The following GTPBP8 variants were observed in gnomAD, a reference collection of about 807,000 sequenced individuals.
GTPBP8 encodes the protein GTP-binding protein 8.
GTPBP8 carries 21 observed loss-of-function variants against 27.3 expected under a neutral mutation model. That is an observed-to-expected ratio of 0.77 (90% confidence interval 0.55 to 1.11). The LOEUF is 1.11. Ranked by LOEUF, GTPBP8 falls within the 50% of genes least tolerant of loss-of-function variation. The probability of loss-of-function intolerance (pLI) is 0.00; values close to 1 mark genes in which losing one functional copy is unlikely to be tolerated. For missense variants in GTPBP8, 380 were observed against 350.8 expected (o/e 1.08, Z -0.67); for synonymous variants, 147 against 135.3 (o/e 1.09, Z -0.60).
At position 113,000,973 on chromosome 3, in the gene GTPBP8, C is replaced by T; in HGVS notation, c.*54C>T. The T allele has an allele frequency of 2.1e-6, 2 of 963,214 alleles. No homozygotes were observed. The highest frequency in any genetic ancestry group is 3.2e-6 in the Non-Finnish European group (2 of 623,886). 59.7% of individuals were successfully genotyped at this position (963,214 alleles called of 1,614,324 possible). ...AAAAAAAAAAAAAGCTTTATGCTAACTGGAGTTAAATACCTAGAAGAATTT... is the reference window on the plus strand; with the variant it reads ...AAAAAAAAAAAAAGCTTTATGCTAATTGGAGTTAAATACCTAGAAGAATTT... On this transcript the variant is annotated 3_prime_UTR_variant, in exon 6 of 6. Coordinates refer to ENST00000383678, the MANE Select transcript of GTPBP8 (RefSeq NM_014170.4).
intron 1 of GTPBP8, chr3:112,992,318 A>C (rs774615436): frequency 1.2e-4 from 18 of 152,160 alleles, no homozygotes; most frequent in African/African-American, 2.9e-4. Context: ...ATGTCCCCCA[A>C]TTGTCTTGAT....
intron 2 of GTPBP8, 38 bp downstream of exon 2, chr3:112,993,162 T>C (rs1933717792): frequency 2.1e-6 from 2 of 964,224 alleles, no homozygotes; most frequent in African/African-American, 3.3e-5. Context: ...GACTATCTCT[T>C]GGATTAACTA....
intron 1 of GTPBP8, among the ~76,000 whole-genome samples, 192 bp from the exon 2 acceptor site, chr3:112,992,834 G>C (rs542049412): frequency 1.4e-4 from 21 of 151,962 alleles, no homozygotes; most frequent in Non-Finnish European, 5.9e-5. Flanking sequence ...CGTAAAATGG[G>C]GATAATATCA....
At position 112,991,223 on chromosome 3, in the gene GTPBP8, C is replaced by G. The variant is rs1413724877; in HGVS notation, c.224C>G (p.Pro75Arg). 2.5e-6 allele frequency: 4 copies of G among 1,614,026 alleles called. No individual in the cohort carries two copies. The highest frequency in any genetic ancestry group is 3.4e-6 in the Non-Finnish European group (4 of 1,180,028). The change falls in exon 1 of 6, where the codon CCG becomes CGG. Residue 75 changes from proline to arginine, a missense_variant. Coordinates refer to ENST00000383678, the MANE Select transcript of GTPBP8 (RefSeq NM_014170.4). ...CACCTGCGTATCTTTGACCCAAGCC[C>G]GGAGGACATAGCCAGGGCGGACAAC... Reference protein sequence around the residue: ...DLHLRIFDPSPEDIARADNIF... With the variant: ...DLHLRIFDPSREDIARADNIF...
intron 1 of GTPBP8, chr3:112,992,011 T>C (rs187658137): frequency 1.3e-3 from 213 of 164,828 alleles, no homozygotes; most frequent in African/African-American, 4.8e-3. Flanking sequence ...CCATATGTAT[T>C]TACACTAAGT....
chr3:112,994,441 AG>A (rs1394795119), intron 2 of GTPBP8, among the ~76,000 whole-genome samples: 8 of 151,136 alleles, frequency 5.3e-5, no homozygotes, highest in Non-Finnish European at 8.8e-5. Flanking sequence ...AAAAAAAAAA[AG>A]TTGCCTATCA....
chr3:112,999,753 CT>C (rs916931922), intron 5 of GTPBP8, among the ~76,000 whole-genome samples, 189 bp downstream of exon 5: 2 of 151,956 alleles, frequency 1.3e-5, no homozygotes, highest in African/African-American at 4.8e-5. Flanking sequence ...TATGTGTAGT[CT>C]TTTTTCGCTC....
chr3:112,991,330 C>T lies in GTPBP8; in HGVS notation c.331C>T (p.Pro111Ser), dbSNP rs754795203. ...RIDHAPDLPR[P>S]EVCFIGRSNV... The stretch of plus-strand genomic sequence containing the variant: ...CGACCACGCCCCGGACCTTCCGCGG[C>T]CAGAGGTGAGAGGCGATTCTCACGG... Residue 111 changes from proline to serine, a missense_variant, in exon 1 of 6, where the codon CCA becomes TCA. Coordinates refer to ENST00000383678, the MANE Select transcript of GTPBP8 (RefSeq NM_014170.4). The T allele has an allele frequency of 6.2e-6, 10 of 1,613,278 alleles. No homozygotes were observed. The highest frequency in any genetic ancestry group is 1.7e-5 in the Admixed American group (1 of 60,016).
chr3:112,991,398 C>T (rs778801123), intron 1 of GTPBP8, 63 bp downstream of exon 1: 4 of 1,443,628 alleles, frequency 2.8e-6, no homozygotes, highest in Non-Finnish European at 3.9e-6. Flanking sequence ...GCTTCCCTGG[C>T]CGTCCGGCTC....
intron 3 of GTPBP8, among the ~76,000 whole-genome samples, chr3:112,995,516 G>T (rs1933767223): frequency 6.6e-6 from 1 of 151,390 alleles, no homozygotes; most frequent in African/African-American, 2.4e-5. Flanking sequence ...GAGATTGAGA[G>T]TAAAGTGTAC....
chr3:112,999,318 A>G, intron 4 of GTPBP8, 128 bp from the exon 5 acceptor site: 1 of 491,870 alleles, frequency 2.0e-6, no homozygotes, highest in Non-Finnish European at 3.7e-6. Flanking sequence ...TATTTTATAG[A>G]TGAGGAAATA....
At chr3:112,992,605 A>G (rs1933704631) in intron 1 of GTPBP8, 1 of 155,774 alleles carries the variant, frequency 6.4e-6, no homozygotes, top group Non-Finnish European at 1.4e-5. Flanking sequence ...ATGTGCTTCC[A>G]AACATGTAGT....
chr3:112,999,685 T>C lies in GTPBP8; in HGVS notation c.785+121T>C, dbSNP rs1933855370. The C allele has an allele frequency of 6.7e-6, 4 of 594,334 alleles. No homozygotes were observed. The South Asian group carries it at 1.0e-4, about 15-fold the overall frequency. The allele number at this position is 594,334 out of a possible 1,614,324, so 36.8% of individuals were successfully genotyped here. On this transcript the variant is annotated intron_variant, in intron 5 of 5. Coordinates refer to ENST00000383678, the MANE Select transcript of GTPBP8 (RefSeq NM_014170.4). ...TTTTTGGTTGCATGGAAAAGTTCTTTAGTGGTTATTTATGAGATTTTAGTG... is the reference window on the plus strand; with the variant it reads ...TTTTTGGTTGCATGGAAAAGTTCTTCAGTGGTTATTTATGAGATTTTAGTG...
chr3:112,995,802 G>A (rs867830071), intron 3 of GTPBP8, among the ~76,000 whole-genome samples: 7 of 152,184 alleles, frequency 4.6e-5, no homozygotes, highest in African/African-American at 1.4e-4. Context: ...CTCCCAAAGT[G>A]TGAGATTACA....
intron 3 of GTPBP8, among the ~76,000 whole-genome samples, chr3:112,995,649 G>T (rs539557156): frequency 6.6e-6 from 1 of 151,370 alleles, no homozygotes; most frequent in Admixed American, 6.6e-5. Context: ...TGATTCTCCC[G>T]CCTCAGCCTC....
In GTPBP8 at chr3:113,001,090, G is replaced by C. The variant is rs924638635; in HGVS notation, c.*171G>C. ...CTTCTCGAAACAAGAATTTGTGCCT[G>C]AGGTGAAAAAAGTTTGTAAGTTATT... On this transcript the variant is annotated 3_prime_UTR_variant, in exon 6 of 6. Transcript: ENST00000383678. 2.0e-5 allele frequency: 11 copies of C among 546,904 alleles called. No individual in the cohort carries two copies. The South Asian group carries it at 2.6e-4, about 13-fold the overall frequency. The allele number at this position is 546,904 out of a possible 1,614,324, so 33.9% of individuals were successfully genotyped here. A position where few individuals can be genotyped will look rare whatever the true frequency, so the allele number is the denominator to read the frequency against.
rs140964884 is a variant in GTPBP8 at position 113,000,785 on chromosome 3, A to G, written c.786-65A>G. The G allele has an allele frequency of 5.7e-4, 539 of 948,612 alleles. 1 individual carries two copies. The highest frequency in any genetic ancestry group is 2.7e-3 in the Middle Eastern group (10 of 3,742). The allele number at this position is 948,612 out of a possible 1,614,324, so 58.8% of individuals were successfully genotyped here. On this transcript the variant is annotated intron_variant, in intron 5 of 5. Transcript: ENST00000383678. ...TCATAAGAATTTGTAAATTTTTTTAAGTTGATGAATTCAGATGTTATATCT... is the reference window on the plus strand; with the variant it reads ...TCATAAGAATTTGTAAATTTTTTTAGGTTGATGAATTCAGATGTTATATCT...
rs776256245 is a variant in GTPBP8, at chr3:113,001,095, GAA to G, written c.*181_*182del. 3 of 539,922 alleles carry G rather than the reference GAA, an allele frequency of 5.6e-6. No homozygotes were observed. The highest frequency in any genetic ancestry group is 9.8e-6 in the Non-Finnish European group (3 of 305,894). The allele number at this position is 539,922 out of a possible 1,614,324, so 33.4% of individuals were successfully genotyped here. A position where few individuals can be genotyped will look rare whatever the true frequency, so the allele number is the denominator to read the frequency against. ...CGAAACAAGAATTTGTGCCTGAGGT[GAA>G]AAAAGTTTGTAAGTTATTGAATTAT... On this transcript the variant is annotated 3_prime_UTR_variant, in exon 6 of 6. Coordinates refer to ENST00000383678, the MANE Select transcript of GTPBP8 (RefSeq NM_014170.4).
At chr3:112,999,001 A>G (rs895619401) in intron 4 of GTPBP8, among the ~76,000 whole-genome samples, 2 of 152,270 alleles carry the variant, frequency 1.3e-5, no homozygotes, top group African/African-American at 2.4e-5. Context: ...ACTAGTAGAT[A>G]GAACCTACAA....
Sources: gnomAD v4.1 joint callset for allele counts (sites outside exome capture counted in the v4.1 genomes callset) on GRCh38, gnomAD v4.1.1 for gene constraint, MANE v1.5 for transcripts, NCBI Gene and HGNC (gene_info 2026-07-23, HGNC 2026-07-21) for gene names.